The following ICA1 variants were observed in gnomAD, a reference collection of about 807,000 sequenced individuals.
ICA1 encodes the protein 69 kDa islet cell autoantigen.
In ICA1, 40 loss-of-function variants were observed where a neutral mutation model predicts 71.0. That is an observed-to-expected ratio of 0.56 (90% CI 0.44 to 0.73). The LOEUF (loss-of-function observed/expected upper bound fraction) is 0.73, where lower values mean the gene tolerates loss of function less well. ICA1 is among the 30% of genes least tolerant of loss of function. The pLI is 0.00. For synonymous variants in ICA1, 207 were observed against 209.5 expected (o/e 0.99, Z 0.10); for missense variants, 578 against 576.5 (o/e 1.00, Z -0.03).
chr7:8,213,360 C>T (rs978576322), intron 6 of ICA1, among the ~76,000 whole-genome samples: 4 of 152,328 alleles, frequency 2.6e-5, no homozygotes, highest in Admixed American at 2.0e-4. Flanking sequence ...CACTGGTTCA[C>T]TGTATGGATC....
At chr7:8,230,508 C>G (rs1048251598) in intron 3 of ICA1, among the ~76,000 whole-genome samples, 13 of 152,176 alleles carry the variant, frequency 8.5e-5, no homozygotes, top group Admixed American at 7.9e-4. Flanking sequence ...CTATCATGTG[C>G]TAAATTATTT....
At chr7:8,255,072 G>C (rs1809595114) in intron 1 of ICA1, among the ~76,000 whole-genome samples, 1 of 151,960 alleles carries the variant, frequency 6.6e-6, no homozygotes, top group Admixed American at 6.5e-5. Flanking sequence ...CTTCTCCCTA[G>C]GAAGGACAGC....
chr7:8,257,959 G>A (rs1367367708), intron 1 of ICA1, among the ~76,000 whole-genome samples: 1 of 152,080 alleles, frequency 6.6e-6, no homozygotes, highest in Non-Finnish European at 1.5e-5. Flanking sequence ...ACACATGGTT[G>A]GGAGTGGGGA....
chr7:8,153,015 G>T (rs180751848), intron 8 of ICA1, among the ~76,000 whole-genome samples: 1 of 151,264 alleles, frequency 6.6e-6, no homozygotes, highest in East Asian at 2.0e-4. Context: ...TGCTGTCATT[G>T]CTTTCACCTC....
Position 8,222,858 on chromosome 7 carries a change from G to A in ICA1, c.257-1460C>T, listed in dbSNP as rs1797541067. 6.6e-6 allele frequency among the ~76,000 whole-genome samples: 1 copy of A among 152,178 alleles called. No individual in the cohort carries two copies. The highest frequency in any genetic ancestry group is 6.5e-5 in the Admixed American group (1 of 15,268). ...GACTTAGCACTCACCTTGTGTGACT[G>A]GGCATGTGTCTCTCTTCCCCAGGGG... On this transcript the variant is annotated intron_variant, in intron 4 of 13. Transcript: ENST00000402384. The surrounding 1 kb of genome is among the most constrained non-coding windows in gnomAD (Gnocchi z 4.8).
At chr7:8,148,547 G>C (rs1261995755) in intron 8 of ICA1, among the ~76,000 whole-genome samples, 1 of 152,062 alleles carries the variant, frequency 6.6e-6, no homozygotes, top group African/African-American at 2.4e-5. Context: ...ACTCTTGATT[G>C]TATAATCAGC....
At chr7:8,200,082 A>G (rs546773683) in intron 6 of ICA1, among the ~76,000 whole-genome samples, 29 of 152,340 alleles carry the variant, frequency 1.9e-4, no homozygotes, top group African/African-American at 7.0e-4. Flanking sequence ...TTATAACACA[A>G]AAGATAAATG....
At chr7:8,139,734 T>C (rs1794591551) in intron 10 of ICA1, among the ~76,000 whole-genome samples, 1 of 152,208 alleles carries the variant, frequency 6.6e-6, no homozygotes, top group South Asian at 2.1e-4. Flanking sequence ...TGGTGTAGGA[T>C]GTTAATAGTG....
At chr7:8,248,799 G>A (rs1358711482) in intron 1 of ICA1, among the ~76,000 whole-genome samples, 1 of 152,114 alleles carries the variant, frequency 6.6e-6, no homozygotes, top group Non-Finnish European at 1.5e-5. Flanking sequence ...GTGCAAAGTG[G>A]TACATTAGAA....
chr7:8,139,328 A>T (rs1440935562), intron 10 of ICA1, among the ~76,000 whole-genome samples: 2 of 152,252 alleles, frequency 1.3e-5, no homozygotes, highest in Non-Finnish European at 2.9e-5. Context: ...TGACTTAAGT[A>T]ACTGACTATT....
intron 8 of ICA1, among the ~76,000 whole-genome samples, chr7:8,148,685 G>C (rs547940490): frequency 6.6e-6 from 1 of 152,086 alleles, no homozygotes; most frequent in Non-Finnish European, 1.5e-5. Context: ...TCAATTTCAG[G>C]ACATTTTCAA....
intron 6 of ICA1, among the ~76,000 whole-genome samples, chr7:8,196,617 T>C (rs1393699493): frequency 6.6e-6 from 1 of 152,154 alleles, no homozygotes; most frequent in Non-Finnish European, 1.5e-5. Context: ...ATGTGTGTTG[T>C]GGGGTGGTTG....
chr7:8,258,129 C>G (rs1810884597), intron 1 of ICA1, among the ~76,000 whole-genome samples: 1 of 152,160 alleles, frequency 6.6e-6, no homozygotes, highest in Non-Finnish European at 1.5e-5. Context: ...TGCATTACCA[C>G]CTGTGTCTCT....
intron 6 of ICA1, among the ~76,000 whole-genome samples, chr7:8,189,733 G>T (rs1373373887): frequency 6.6e-6 from 1 of 150,550 alleles, no homozygotes; most frequent in Non-Finnish European, 1.5e-5. Flanking sequence ...TGCAAGGGGG[G>T]TAGGCAGCGC....
intron 1 of ICA1, among the ~76,000 whole-genome samples, chr7:8,255,301 A>C (rs955529406): frequency 6.6e-6 from 1 of 152,030 alleles, no homozygotes; most frequent in Non-Finnish European, 1.5e-5. Flanking sequence ...GGCCCCACTC[A>C]AGTCCTCATT....
intron 6 of ICA1, among the ~76,000 whole-genome samples, chr7:8,167,304 T>C (rs1806375858): frequency 6.6e-6 from 1 of 152,066 alleles, no homozygotes; most frequent in Admixed American, 6.6e-5. Flanking sequence ...TAAAAAGAAA[T>C]GAGATCATGT....
intron 1 of ICA1, among the ~76,000 whole-genome samples, chr7:8,249,726 T>G (rs1807477664): frequency 6.6e-6 from 1 of 152,238 alleles, no homozygotes; most frequent in Non-Finnish European, 1.5e-5. Flanking sequence ...ATTTTGTTCT[T>G]CCATACACTA....
intron 6 of ICA1, among the ~76,000 whole-genome samples, chr7:8,213,182 G>C (rs1450914499): frequency 6.6e-6 from 1 of 152,128 alleles, no homozygotes; most frequent in Non-Finnish European, 1.5e-5. Flanking sequence ...ACATTTAAGA[G>C]AGCATTAGTT....
intron 8 of ICA1, among the ~76,000 whole-genome samples, chr7:8,148,413 A>T (rs548724724): frequency 3.3e-5 from 5 of 151,744 alleles, no homozygotes; most frequent in Non-Finnish European, 7.4e-5. Flanking sequence ...TTTTTTTTAA[A>T]CTTTTCTAAA....
Sources: allele counts gnomAD v4.1 joint callset (sites outside exome capture counted in the v4.1 genomes callset), GRCh38; gene constraint gnomAD v4.1.1; non-coding constraint Gnocchi (gnomAD v3.1); transcripts MANE v1.5; gene names NCBI Gene and HGNC (gene_info 2026-07-23, HGNC 2026-07-21).